The following CLTCL1 variants were observed in gnomAD, a reference collection of about 807,000 sequenced individuals.
CLTCL1 encodes the protein clathrin heavy chain like 1, also known as clathrin heavy chain 2.
CLTCL1 carries 159 observed loss-of-function variants against 190.0 expected under a neutral mutation model. That is an observed-to-expected ratio of 0.84 (90% confidence interval 0.74 to 0.95). The LOEUF (loss-of-function observed/expected upper bound fraction) is 0.95, where lower values mean the gene tolerates loss of function less well. CLTCL1 is among the 40% of genes least tolerant of loss of function. The pLI is 0.00. For synonymous variants in CLTCL1, 752 were observed against 769.6 expected (o/e 0.98, Z 0.38); for missense variants, 1,878 against 2,033.4 (o/e 0.92, Z 1.47).
chr22:19,268,784 G>T (rs994161339), intron 2 of CLTCL1, among the ~76,000 whole-genome samples: 6 of 152,154 alleles, frequency 3.9e-5, no homozygotes, highest in African/African-American at 1.2e-4. Context: ...TTGGAAAACA[G>T]TTGGGCAGTT....
At chr22:19,269,581 A>T (rs928120897) in intron 2 of CLTCL1, among the ~76,000 whole-genome samples, 20 of 152,198 alleles carry the variant, frequency 1.3e-4, no homozygotes, top group African/African-American at 4.8e-4. Context: ...GTACATACAC[A>T]CCACGGAATA....
At chr22:19,192,973 A>C (rs138101390) in intron 26 of CLTCL1, among the ~76,000 whole-genome samples, 6 of 152,300 alleles carry the variant, frequency 3.9e-5, no homozygotes, top group Non-Finnish European at 7.4e-5. Flanking sequence ...GACACTGAAG[A>C]AGCAGAGAGC....
In CLTCL1 at chr22:19,229,975, T is replaced by A. The variant is rs1555958074; in HGVS notation, c.1645A>T (p.Ile549Phe). Reference sequence around the variant, plus strand: ...CTGTTTTCCATGAAAATGTCCACAATCTGAAACATATCCAAGCCACATTTT... The same window carrying A: ...CTGTTTTCCATGAAAATGTCCACAAACTGAAACATATCCAAGCCACATTTT... ...DEEPLANISQIVDIFMENSLI... is the reference protein window; with the variant it reads ...DEEPLANISQFVDIFMENSLI... The change falls in exon 11 of 33, where the codon ATT (isoleucine) becomes TTT (phenylalanine). Residue 549 changes from isoleucine (I) to phenylalanine (F), a missense_variant and splice_region_variant. By Grantham distance (21) the Ile-to-Phe change is conservative. Coordinates refer to ENST00000427926, the MANE Select transcript of CLTCL1 (RefSeq NM_007098.4). 1 of 1,603,242 alleles carries A rather than the reference T, an allele frequency of 6.2e-7. No individual in the cohort carries two copies.
intron 3 of CLTCL1, among the ~76,000 whole-genome samples, chr22:19,245,049 A>T (rs1251879368): frequency 6.6e-6 from 1 of 152,158 alleles, no homozygotes; most frequent in Non-Finnish European, 1.5e-5. Context: ...GAGGCTTCCC[A>T]AAGTGACACC....
chr22:19,214,740 G>C (rs1200678985), intron 19 of CLTCL1, among the ~76,000 whole-genome samples: 1 of 149,828 alleles, frequency 6.7e-6, no homozygotes, highest in African/African-American at 2.5e-5. Context: ...GAGTATAGTG[G>C]TGCCATCTCG....
intron 2 of CLTCL1, chr22:19,258,685 A>G: frequency 1.5e-6 from 1 of 667,772 alleles, no homozygotes. Context: ...GAGGACTTCA[A>G]TCTTGGTGAG....
chr22:19,288,176 G>GT (rs1177181749), intron 1 of CLTCL1, among the ~76,000 whole-genome samples: 4 of 152,148 alleles, frequency 2.6e-5, no homozygotes, highest in Non-Finnish European at 5.9e-5. Context: ...GCATCACAGA[G>GT]TTTGTGTTCA....
At chr22:19,282,286 G>A (rs1484951367) in intron 1 of CLTCL1, among the ~76,000 whole-genome samples, 3 of 149,940 alleles carry the variant, frequency 2.0e-5, no homozygotes, top group Non-Finnish European at 3.0e-5. Context: ...CCAAGATCGC[G>A]CCACTGCACT....
At chr22:19,195,244 C>T (rs2146277807) in intron 26 of CLTCL1, among the ~76,000 whole-genome samples, 2 of 152,278 alleles carry the variant, frequency 1.3e-5, no homozygotes, top group Non-Finnish European at 2.9e-5. Context: ...TGGCCGCACT[C>T]CCTCCAGCAA....
intron 22 of CLTCL1, among the ~76,000 whole-genome samples, chr22:19,206,488 T>A (rs189183829): frequency 6.6e-6 from 1 of 152,214 alleles, no homozygotes; most frequent in African/African-American, 2.4e-5. Context: ...TCAAGTGATC[T>A]TTCCACCTCT....
chr22:19,222,851 A>G (rs2085618893), intron 14 of CLTCL1, 42 bp from the exon 15 acceptor site: 6 of 1,571,464 alleles, frequency 3.8e-6, no homozygotes, highest in Non-Finnish European at 5.2e-6. Flanking sequence ...GAGTGGAGAA[A>G]CCAGACAGCC....
chr22:19,250,194 C>T (rs187200754), intron 3 of CLTCL1, among the ~76,000 whole-genome samples: 8 of 152,214 alleles, frequency 5.3e-5, no homozygotes, highest in Middle Eastern at 3.4e-3. Context: ...GTGGAGGTTG[C>T]AGTGAGCTGA....
At chr22:19,237,517 A>T (rs1008210725) in intron 5 of CLTCL1, among the ~76,000 whole-genome samples, 1 of 152,166 alleles carries the variant, frequency 6.6e-6, no homozygotes, top group East Asian at 1.9e-4. Context: ...CTGTGATGAG[A>T]GTGTGCCCCT....
At chr22:19,288,792 G>C (rs933679097) in intron 1 of CLTCL1, among the ~76,000 whole-genome samples, 3 of 152,244 alleles carry the variant, frequency 2.0e-5, no homozygotes, top group Admixed American at 2.0e-4. Context: ...GCTCAAGACA[G>C]ATTCCAAGCT....
intron 30 of CLTCL1, 70 bp downstream of exon 30, chr22:19,183,320 G>A: frequency 2.1e-6 from 3 of 1,396,910 alleles, no homozygotes; most frequent in Non-Finnish European, 3.0e-6. Flanking sequence ...AAGACCTGCG[G>A]CCAGAGTCAC....
chr22:19,255,315 C>A (rs961423351), intron 2 of CLTCL1, among the ~76,000 whole-genome samples: 5 of 152,200 alleles, frequency 3.3e-5, no homozygotes, highest in African/African-American at 7.2e-5. Flanking sequence ...GTATTCCCAG[C>A]ACTTTGGGAG....
At chr22:19,239,862 T>C (rs1221622071) in intron 4 of CLTCL1, among the ~76,000 whole-genome samples, 1 of 152,106 alleles carries the variant, frequency 6.6e-6, no homozygotes, top group East Asian at 1.9e-4. Flanking sequence ...GGTAAGAATC[T>C]GATGAGGGAG....
chr22:19,249,134 G>A (rs547596025), intron 3 of CLTCL1, among the ~76,000 whole-genome samples: 129 of 152,120 alleles, frequency 8.5e-4, no homozygotes, highest in Non-Finnish European at 1.7e-3. Context: ...CGAAGCGGGC[G>A]GATTACTTGA....
At chr22:19,180,276 C>T in intron 31 of CLTCL1, 38 bp from the exon 32 acceptor site, 3 of 1,612,676 alleles carry the variant, frequency 1.9e-6, no homozygotes, top group Non-Finnish European at 2.5e-6. Context: ...TGGAAGGACA[C>T]ACTCAGCCGG....
Sources: allele counts gnomAD v4.1 joint callset (sites outside exome capture counted in the v4.1 genomes callset), GRCh38; gene constraint gnomAD v4.1.1; transcripts MANE v1.5; gene names NCBI Gene and HGNC (gene_info 2026-07-23, HGNC 2026-07-21).